EVI5: variants seen among roughly 807,000 people sequenced by gnomAD.
EVI5 encodes ecotropic viral integration site 5.
In EVI5, 73 loss-of-function variants were observed where a neutral mutation model predicts 112.0. The ratio of observed to expected loss-of-function variants is 0.65; its 90% CI spans 0.54 to 0.79. The LOEUF is 0.79. EVI5 is among the 30% of genes least tolerant of loss of function. EVI5 has a pLI of 0.00. For synonymous variants in EVI5, 305 were observed against 319.9 expected (o/e 0.95, Z 0.50); for missense variants, 900 against 968.8 (o/e 0.93, Z 0.94).
At chr1:92,780,179 T>C (rs777670485) in intron 1 of EVI5, among the ~76,000 whole-genome samples, 16 of 152,246 alleles carry the variant, frequency 1.1e-4, no homozygotes, top group Non-Finnish European at 2.1e-4. Context: ...TGGGCATTCA[T>C]TCGCTCTCCT....
At chr1:92,613,111 G>A (rs1015300346) in intron 16 of EVI5, among the ~76,000 whole-genome samples, 4 of 152,120 alleles carry the variant, frequency 2.6e-5, no homozygotes, top group Admixed American at 2.0e-4. Flanking sequence ...TTTCATCTGT[G>A]TGGATCAGGG....
intron 10 of EVI5, among the ~76,000 whole-genome samples, chr1:92,669,922 T>C (rs1302949551): frequency 6.6e-6 from 1 of 152,002 alleles, no homozygotes; most frequent in African/African-American, 2.4e-5. Context: ...AATGTTTATC[T>C]TGTACATTGA....
chr1:92,554,302 C>T lies in EVI5; in HGVS notation c.2166+9340G>A, dbSNP rs141873053. On this transcript the variant is annotated intron_variant, in intron 19 of 19. Coordinates refer to ENST00000684568, the MANE Select transcript of EVI5 (RefSeq NM_001350197.2). ...AGAACTCCTACTATGTTTAATATGT[C>T]GCCATTAAATGGGCCAGCAGGATCA... is the stretch of plus-strand genomic sequence containing the variant. 1.7e-3 allele frequency among the ~76,000 whole-genome samples: 263 copies of T among 152,270 alleles called. 2 individuals are homozygous for T. The highest frequency in any genetic ancestry group is 6.8e-3 in the Middle Eastern group (2 of 294).
chr1:92,616,156 A>G (rs772535021), intron 16 of EVI5, among the ~76,000 whole-genome samples: 3 of 152,092 alleles, frequency 2.0e-5, no homozygotes, highest in Non-Finnish European at 4.4e-5. Flanking sequence ...GCTTAGGGAG[A>G]CTGGGATGGT....
At chr1:92,632,886 T>C (rs1324017719) in intron 14 of EVI5, among the ~76,000 whole-genome samples, 2 of 152,214 alleles carry the variant, frequency 1.3e-5, no homozygotes, top group African/African-American at 4.8e-5. Flanking sequence ...TTTGTCCTCA[T>C]TGGTTTCAAA....
intron 3 of EVI5, 79 bp downstream of exon 3, chr1:92,704,476 T>G: frequency 1.1e-6 from 1 of 912,828 alleles, no homozygotes; most frequent in South Asian, 2.3e-5. Context: ...TATTTGGGGT[T>G]TTTTTCCCAA....
At chr1:92,701,329 A>T (rs1380484792) in intron 5 of EVI5, among the ~76,000 whole-genome samples, 1 of 152,176 alleles carries the variant, frequency 6.6e-6, no homozygotes, top group East Asian at 1.9e-4. Context: ...TTCTACATAC[A>T]TTACCTCAAA....
chr1:92,619,747 T>C (rs905853382), intron 16 of EVI5, among the ~76,000 whole-genome samples: 3 of 151,100 alleles, frequency 2.0e-5, no homozygotes, highest in Admixed American at 6.6e-5. Flanking sequence ...TGAGACCTTT[T>C]CTCTTTGAAA....
chr1:92,702,466 A>AATAAG (rs1382637203), intron 4 of EVI5, among the ~76,000 whole-genome samples: 1 of 151,142 alleles, frequency 6.6e-6, no homozygotes, highest in Non-Finnish European at 1.5e-5. Context: ...AATAAAATAA[A>AATAAG]ATAAAATAAA....
chr1:92,667,275 C>T (rs1015141045), intron 10 of EVI5, among the ~76,000 whole-genome samples: 2 of 151,914 alleles, frequency 1.3e-5, no homozygotes, highest in Admixed American at 6.6e-5. Flanking sequence ...CAGAGCAAGA[C>T]CTTGTCTCAA....
intron 14 of EVI5, among the ~76,000 whole-genome samples, chr1:92,627,880 C>A (rs748593735): frequency 1.2e-4 from 19 of 152,018 alleles, no homozygotes; most frequent in Non-Finnish European, 2.4e-4. Context: ...ACTTCTGCCT[C>A]CCGGGTTCAA....
chr1:92,610,503 T>TTA (rs1428456995), intron 16 of EVI5, among the ~76,000 whole-genome samples: 4 of 152,178 alleles, frequency 2.6e-5, no homozygotes, highest in Admixed American at 1.3e-4. Flanking sequence ...CTAGAGATAA[T>TTA]TATAGGACTT....
chr1:92,670,998 T>G (rs1426963701), intron 10 of EVI5, among the ~76,000 whole-genome samples: 2 of 150,846 alleles, frequency 1.3e-5, no homozygotes, highest in Non-Finnish European at 2.9e-5. Flanking sequence ...TACTTGATTA[T>G]CACCATAAAA....
At chr1:92,567,005 C>T (rs1425163698) in intron 18 of EVI5, among the ~76,000 whole-genome samples, 2 of 151,998 alleles carry the variant, frequency 1.3e-5, no homozygotes, top group Non-Finnish European at 2.9e-5. Context: ...CGGGGTTTCA[C>T]CACATTGGCC....
At chr1:92,720,421 G>A (rs1674536112) in intron 2 of EVI5, among the ~76,000 whole-genome samples, 1 of 151,926 alleles carries the variant, frequency 6.6e-6, no homozygotes, top group African/African-American at 2.4e-5. Flanking sequence ...AACAAAAAAT[G>A]GGGAAAGGAT....
intron 19 of EVI5, among the ~76,000 whole-genome samples, chr1:92,522,631 C>CAAAA (rs61277173): frequency 0.07 from 4,881 of 70,216 alleles, 738 homozygotes; most frequent in African/African-American, 0.23. Context: ...ACTCCATCTC[C>CAAAA]AAAAAAAAAA....
intron 19 of EVI5, among the ~76,000 whole-genome samples, chr1:92,532,113 C>CA (rs58704635): frequency 0.84 from 127,200 of 151,412 alleles, 53,674 homozygotes; most frequent in East Asian, 0.97. Context: ...AAATGGAAAG[C>CA]AAAAAAAAGC....
intron 19 of EVI5, among the ~76,000 whole-genome samples, chr1:92,562,783 G>T (rs545536596): frequency 7.9e-4 from 120 of 152,116 alleles, no homozygotes; most frequent in Admixed American, 1.4e-3. Flanking sequence ...TAACTGAAGG[G>T]TGTAATACCA....
intron 13 of EVI5, among the ~76,000 whole-genome samples, chr1:92,644,811 T>C (rs542964484): frequency 6.6e-6 from 1 of 152,178 alleles, no homozygotes; most frequent in Non-Finnish European, 1.5e-5. Context: ...TTCCAAATAT[T>C]AGGGGATTTT....
Sources: gnomAD v4.1 joint callset for allele counts (sites outside exome capture counted in the v4.1 genomes callset) on GRCh38, gnomAD v4.1.1 for gene constraint, MANE v1.5 for transcripts, NCBI Gene and HGNC (gene_info 2026-07-23, HGNC 2026-07-21) for gene names.